Variants in RBFOX1 observed in about 807,000 individuals in gnomAD.
RBFOX1 encodes RNA binding fox-1 homolog 1, also known as RNA binding protein fox-1 homolog 1.
RBFOX1 carries 8 observed loss-of-function variants against 57.7 expected under a neutral mutation model. The observed-to-expected ratio is 0.14, with a 90% CI of 0.08 to 0.25. The LOEUF (loss-of-function observed/expected upper bound fraction) is 0.25, where lower values mean the gene tolerates loss of function less well. RBFOX1 is among the 10% of genes least tolerant of loss of function. The pLI, the probability that RBFOX1 is intolerant of heterozygous loss-of-function variation, is 1.00. For missense variants in RBFOX1, 611 were observed against 548.5 expected, an observed-to-expected ratio of 1.11 and a Z score of -1.14; for synonymous variants, 326 against 222.4, an observed-to-expected ratio of 1.47 and a Z score of -4.15.
chr16:7,093,210 A>C (rs775769109), intron 4 of RBFOX1, among the ~76,000 whole-genome samples: 5 of 152,134 alleles, frequency 3.3e-5, no homozygotes, highest in Non-Finnish European at 7.4e-5. Context: ...CGTGTATCTC[A>C]GTTAGGGGGC....
At chr16:6,406,670 G>C (rs1400834331) in intron 2 of RBFOX1, among the ~76,000 whole-genome samples, 1 of 151,748 alleles carries the variant, frequency 6.6e-6, no homozygotes, top group African/African-American at 2.4e-5. Context: ...CCTATGCTCG[G>C]TCAATTTTTG....
chr16:5,452,391 G>C (rs915578822), intron 1 of RBFOX1, among the ~76,000 whole-genome samples: 5 of 151,986 alleles, frequency 3.3e-5, no homozygotes, highest in African/African-American at 1.2e-4. Flanking sequence ...TTACAGGGGT[G>C]AGTTACTACA....
intron 4 of RBFOX1, among the ~76,000 whole-genome samples, chr16:7,185,861 T>C (rs2083624168): frequency 6.6e-6 from 1 of 152,186 alleles, no homozygotes; most frequent in Non-Finnish European, 1.5e-5. Flanking sequence ...CATGGCATTT[T>C]ATCCCTAGAT....
intron 4 of RBFOX1, among the ~76,000 whole-genome samples, chr16:7,263,443 C>G (rs1296298488): frequency 6.6e-6 from 1 of 152,158 alleles, no homozygotes; most frequent in Admixed American, 6.5e-5. Flanking sequence ...TTTAACTAGT[C>G]TTGATGCCTG....
intron 3 of RBFOX1, among the ~76,000 whole-genome samples, chr16:6,882,026 G>A (rs1202975934): frequency 6.6e-6 from 1 of 152,106 alleles, no homozygotes; most frequent in Non-Finnish European, 1.5e-5. Flanking sequence ...AAAGACTCTA[G>A]ACTTCATTTC....
At chr16:6,088,512 C>T (rs915053977) in intron 1 of RBFOX1, among the ~76,000 whole-genome samples, 3 of 144,578 alleles carry the variant, frequency 2.1e-5, no homozygotes, top group African/African-American at 7.9e-5. Flanking sequence ...TTCCTTCCTC[C>T]CCCTTCCCTT....
At chr16:6,919,560 C>T (rs897657828) in intron 3 of RBFOX1, among the ~76,000 whole-genome samples, 2 of 152,014 alleles carry the variant, frequency 1.3e-5, no homozygotes, top group South Asian at 2.1e-4. Context: ...TTAGACATTT[C>T]TCCACTTCCT....
At chr16:6,143,959 C>CTATATATATATATATA (rs71142686) in intron 1 of RBFOX1, among the ~76,000 whole-genome samples, 158 of 139,938 alleles carry the variant, frequency 1.1e-3, no homozygotes, top group African/African-American at 4.0e-3. Context: ...CCATACTCAG[C>CTATATATATATATATA]TATATATATA....
At chr16:6,026,464 G>C (rs568680225) in intron 1 of RBFOX1, among the ~76,000 whole-genome samples, 1 of 152,324 alleles carries the variant, frequency 6.6e-6, no homozygotes, top group African/African-American at 2.4e-5. Flanking sequence ...TTTTGAACCT[G>C]ACAGTCTGAG....
At chr16:7,608,677 C>T (rs899731350) in intron 10 of RBFOX1, among the ~76,000 whole-genome samples, 1 of 152,208 alleles carries the variant, frequency 6.6e-6, no homozygotes, top group African/African-American at 2.4e-5. Context: ...GGGCAAGTTA[C>T]TTAACCTCTC....
rs115152314 is a variant in RBFOX1 at position 7,079,228 on chromosome 16, A to C, written c.27+27130A>C. Among the ~76,000 whole-genome samples, 514 of 152,256 alleles carry C rather than the reference A, an allele frequency of 3.4e-3. 3 individuals carry two copies. Among genetic ancestry groups the C allele is most frequent in the African/African-American group, 0.012 (478 of 41,542 alleles). ...GCGGGACTGCATATGTTTATTGGCC[A>C]AACCCAGTTTTACTTGCTCATCATA... On this transcript the variant is annotated intron_variant, in intron 4 of 15. Transcript: ENST00000550418.
intron 3 of RBFOX1, among the ~76,000 whole-genome samples, chr16:6,682,224 A>G (rs756228224): frequency 2.0e-5 from 3 of 152,190 alleles, no homozygotes; most frequent in Non-Finnish European, 2.9e-5. Context: ...GAACAACGCA[A>G]CAGAGTCAGC....
chr16:7,302,138 A>T (rs1283458990), intron 4 of RBFOX1, among the ~76,000 whole-genome samples: 1 of 152,128 alleles, frequency 6.6e-6, no homozygotes, highest in Non-Finnish European at 1.5e-5. Flanking sequence ...AGGGTTAAAC[A>T]TGCTACTGTG....
intron 1 of RBFOX1, among the ~76,000 whole-genome samples, chr16:6,077,598 C>A (rs1382692442): frequency 6.6e-6 from 1 of 152,142 alleles, no homozygotes; most frequent in African/African-American, 2.4e-5. Context: ...GTTATATATA[C>A]TTTGCAACTA....
intron 2 of RBFOX1, among the ~76,000 whole-genome samples, chr16:6,485,548 T>G (rs986857702): frequency 1.7e-4 from 26 of 152,348 alleles, no homozygotes; most frequent in African/African-American, 5.5e-4. Flanking sequence ...TTTTCTTTCT[T>G]TCTTTCAGGA....
chr16:6,971,907 G>T (rs74502205), intron 3 of RBFOX1, among the ~76,000 whole-genome samples: 5 of 152,078 alleles, frequency 3.3e-5, no homozygotes, highest in African/African-American at 1.2e-4. Flanking sequence ...AGCCTCAGTG[G>T]GGTGGTGAGA....
At chr16:7,133,107 TG>T (rs759540493) in intron 4 of RBFOX1, among the ~76,000 whole-genome samples, 27 of 152,344 alleles carry the variant, frequency 1.8e-4, no homozygotes, top group Non-Finnish European at 3.5e-4. Flanking sequence ...TATTATGGTT[TG>T]TATGCATCAA....
chr16:6,915,847 C>T (rs1190419825), intron 3 of RBFOX1, among the ~76,000 whole-genome samples: 2 of 152,126 alleles, frequency 1.3e-5, no homozygotes, highest in Non-Finnish European at 2.9e-5. Context: ...CCGCTATGCC[C>T]AGCCTTCATT....
At chr16:7,048,409 G>A (rs1157297478) in intron 3 of RBFOX1, among the ~76,000 whole-genome samples, 1 of 151,922 alleles carries the variant, frequency 6.6e-6, no homozygotes, top group Non-Finnish European at 1.5e-5. Flanking sequence ...ACAGTCGCGT[G>A]TCGCCACACC....
Sources: allele counts gnomAD v4.1 joint callset (sites outside exome capture counted in the v4.1 genomes callset), GRCh38; gene constraint gnomAD v4.1.1; transcripts MANE v1.5; gene names NCBI Gene and HGNC (gene_info 2026-07-23, HGNC 2026-07-21).